DCC: variants seen among roughly 807,000 people sequenced by gnomAD.
DCC encodes netrin receptor DCC.
In DCC, 58 loss-of-function variants were observed where a neutral mutation model predicts 172.5. The observed-to-expected ratio is 0.34, with a 90% CI of 0.27 to 0.42. The LOEUF (loss-of-function observed/expected upper bound fraction) is 0.42, where lower values mean the gene tolerates loss of function less well. DCC is among the 10% of genes least tolerant of loss of function. The probability of loss-of-function intolerance (pLI) is 1.00; values close to 1 mark genes in which losing one functional copy is unlikely to be tolerated. For missense variants in DCC, 1,740 were observed against 1,791.0 expected (o/e 0.97, Z 0.51); for synonymous variants, 709 against 644.5 (o/e 1.10, Z -1.52).
At chr18:52,614,947 C>A (rs1361961748) in intron 1 of DCC, among the ~76,000 whole-genome samples, 1 of 152,076 alleles carries the variant, frequency 6.6e-6, no homozygotes, top group Non-Finnish European at 1.5e-5. Flanking sequence ...CCCTCTCCCC[C>A]TTTTCACTCC....
chr18:52,960,113 C>T (rs143262742), intron 5 of DCC, among the ~76,000 whole-genome samples: 2,061 of 152,120 alleles, frequency 0.014, 62 homozygotes, highest in African/African-American at 0.048. Flanking sequence ...CGCACACACA[C>T]AATATAGCTA....
chr18:52,778,321 G>C (rs1038298679), intron 2 of DCC, among the ~76,000 whole-genome samples: 1 of 152,110 alleles, frequency 6.6e-6, no homozygotes. Context: ...TGCATGCCTT[G>C]GGAATGTCTT....
At chr18:52,928,690 C>G (rs770833412) in intron 5 of DCC, among the ~76,000 whole-genome samples, 4 of 152,096 alleles carry the variant, frequency 2.6e-5, no homozygotes, top group African/African-American at 9.7e-5. Context: ...GTACGTAGGT[C>G]GAGCCCATTA....
rs140244125 is a variant in DCC, at chr18:52,973,408, T to C, written c.985+48038T>C. Reference sequence around the variant, plus strand: ...ATGCTCATTTTATAGATTTTTCAAATTGCGGCATGTACAAATACTGGTTAC... The same window carrying C: ...ATGCTCATTTTATAGATTTTTCAAACTGCGGCATGTACAAATACTGGTTAC... On this transcript the variant is annotated intron_variant, in intron 5 of 28. Transcript: ENST00000442544. Among the ~76,000 whole-genome samples the C allele has an allele frequency of 8.5e-5, 13 of 152,278 alleles. No individual in the cohort carries two copies. In the East Asian group the frequency reaches 2.5e-3, roughly 29 times the overall value.
intron 2 of DCC, among the ~76,000 whole-genome samples, chr18:52,848,338 C>T (rs938979496): frequency 3.3e-5 from 5 of 152,050 alleles, no homozygotes; most frequent in South Asian, 4.2e-4. Flanking sequence ...TTGCCCACCT[C>T]GGCCTCCCAA....
intron 2 of DCC, among the ~76,000 whole-genome samples, chr18:52,837,950 G>GA (rs901094679): frequency 6.6e-6 from 1 of 152,020 alleles, no homozygotes; most frequent in Non-Finnish European, 1.5e-5. Context: ...TGGCAGGAAG[G>GA]AAAAAAATGA....
At chr18:52,831,034 T>C (rs2038605252) in intron 2 of DCC, among the ~76,000 whole-genome samples, 1 of 152,118 alleles carries the variant, frequency 6.6e-6, no homozygotes, top group Non-Finnish European at 1.5e-5. Context: ...GACATTCTGA[T>C]CAGGCTTTAT....
At chr18:52,459,075 C>G (rs1988548136) in intron 1 of DCC, among the ~76,000 whole-genome samples, 1 of 152,072 alleles carries the variant, frequency 6.6e-6, no homozygotes, top group African/African-American at 2.4e-5. Flanking sequence ...CCTATGGGTA[C>G]AAAAGGTTCA....
intron 8 of DCC, among the ~76,000 whole-genome samples, chr18:53,175,050 A>G (rs2055069915): frequency 6.6e-6 from 1 of 151,830 alleles, no homozygotes; most frequent in Non-Finnish European, 1.5e-5. Flanking sequence ...GTAATCCAGC[A>G]TATAAACAGA....
intron 9 of DCC, among the ~76,000 whole-genome samples, chr18:53,201,460 A>G (rs906378993): frequency 2.6e-5 from 4 of 152,166 alleles, no homozygotes; most frequent in Non-Finnish European, 5.9e-5. Flanking sequence ...TTCAGTCTCA[A>G]TGTTCTCGTT....
rs1161104122 is a variant in DCC at position 53,005,120 on chromosome 18, T to C, written c.986-58185T>C. ...CCCTAGCCAGATGGGGGCCCCTCAA[T>C]CTTGGACTTCTCAGTCTCTAGAACT... is the stretch of plus-strand genomic sequence containing the variant. On this transcript the variant is annotated intron_variant, in intron 5 of 28. Coordinates refer to ENST00000442544, the MANE Select transcript of DCC (RefSeq NM_005215.4). Among the ~76,000 whole-genome samples, 3 of 152,304 alleles carry C rather than the reference T, an allele frequency of 2.0e-5. No homozygotes were observed. The East Asian group carries it at 5.8e-4, about 29-fold the overall frequency.
intron 2 of DCC, among the ~76,000 whole-genome samples, chr18:52,897,324 G>A (rs2145431955): frequency 6.6e-6 from 1 of 152,326 alleles, no homozygotes; most frequent in East Asian, 1.9e-4. Flanking sequence ...GTGCTGCTAA[G>A]CTTGCAGAGC....
intron 7 of DCC, among the ~76,000 whole-genome samples, chr18:53,145,354 C>T (rs540423533): frequency 6.6e-6 from 1 of 152,192 alleles, no homozygotes; most frequent in South Asian, 2.1e-4. Flanking sequence ...GCCTCGTGAT[C>T]CGCCCGCCTC....
intron 1 of DCC, among the ~76,000 whole-genome samples, chr18:52,604,789 T>A (rs890366953): frequency 6.6e-6 from 1 of 152,260 alleles, no homozygotes; most frequent in East Asian, 1.9e-4. Context: ...ATTTATTTGC[T>A]TGATTACATT....
chr18:52,784,846 T>C (rs993107940), intron 2 of DCC, among the ~76,000 whole-genome samples: 1 of 147,204 alleles, frequency 6.8e-6, no homozygotes, highest in East Asian at 2.0e-4. Context: ...GTGAGTGGGT[T>C]AAGAAGTAGA....
chr18:52,633,443 C>T (rs2034714469), intron 1 of DCC, among the ~76,000 whole-genome samples: 1 of 152,172 alleles, frequency 6.6e-6, no homozygotes, highest in South Asian at 2.1e-4. Context: ...GGAGTTGTCA[C>T]CTTACCTCTG....
intron 13 of DCC, among the ~76,000 whole-genome samples, chr18:53,308,606 C>T (rs976021557): frequency 6.6e-6 from 1 of 152,118 alleles, no homozygotes; most frequent in Non-Finnish European, 1.5e-5. Flanking sequence ...GCGTTAATTG[C>T]TTAGTCCTTA....
chr18:52,973,872 G>A (rs894308005), intron 5 of DCC, among the ~76,000 whole-genome samples: 1 of 152,080 alleles, frequency 6.6e-6, no homozygotes, highest in Non-Finnish European at 1.5e-5. Context: ...TGATAAAACT[G>A]AATGTTTTAC....
At chr18:53,401,993 G>A (rs1030212518) in intron 18 of DCC, among the ~76,000 whole-genome samples, 9 of 152,052 alleles carry the variant, frequency 5.9e-5, no homozygotes, top group Non-Finnish European at 8.8e-5. Context: ...TATTTTTTAC[G>A]TCTTCTATTT....
Sources: allele counts gnomAD v4.1 joint callset (sites outside exome capture counted in the v4.1 genomes callset), GRCh38; gene constraint gnomAD v4.1.1; transcripts MANE v1.5; gene names NCBI Gene and HGNC (gene_info 2026-07-23, HGNC 2026-07-21).